RYR3: variants seen among roughly 807,000 people sequenced by gnomAD.
RYR3 encodes the protein ryanodine receptor 3.
RYR3 carries 207 observed loss-of-function variants against 584.3 expected under a neutral mutation model. The observed-to-expected ratio is 0.35, with a 90% CI of 0.32 to 0.40. The LOEUF (loss-of-function observed/expected upper bound fraction) is 0.40, where lower values mean the gene tolerates loss of function less well. Ranked by LOEUF, RYR3 falls within the 10% of genes least tolerant of loss-of-function variation. The probability of loss-of-function intolerance (pLI) is 1.00; values close to 1 mark genes in which losing one functional copy is unlikely to be tolerated. For missense variants in RYR3, 5,616 were observed against 6,089.2 expected, an observed-to-expected ratio of 0.92 and a Z score of 2.59; for synonymous variants, 2,416 against 2,248.5, an observed-to-expected ratio of 1.07 and a Z score of -2.11.
At chr15:33,358,890 G>C (rs746481636) in intron 1 of RYR3, among the ~76,000 whole-genome samples, 2 of 152,174 alleles carry the variant, frequency 1.3e-5, no homozygotes, top group Non-Finnish European at 2.9e-5. Flanking sequence ...TAGGTGCTAG[G>C]CACTATTCTA....
At chr15:33,607,336 A>G (rs1047603983) in intron 18 of RYR3, among the ~76,000 whole-genome samples, 1 of 152,120 alleles carries the variant, frequency 6.6e-6, no homozygotes, top group African/African-American at 2.4e-5. Context: ...AAAAAAAATC[A>G]TATTATCGGG....
At chr15:33,806,044 T>TA (rs1423883942) in intron 69 of RYR3, among the ~76,000 whole-genome samples, 1 of 152,066 alleles carries the variant, frequency 6.6e-6, no homozygotes, top group Admixed American at 6.6e-5. Flanking sequence ...CAGACCGACT[T>TA]ACAGAAAGTC....
rs1360231962 is a variant in RYR3 at position 33,794,130 on chromosome 15, T to A, written c.9830+5672T>A. Among the ~76,000 whole-genome samples the A allele has an allele frequency of 7.7e-5, 7 of 91,080 alleles. No homozygotes were observed. In the South Asian group the frequency reaches 2.2e-3, roughly 29 times the overall value. The allele number at this position is 91,080 out of a possible 152,430, so 59.8% of individuals were successfully genotyped here. A position where few individuals can be genotyped will look rare whatever the true frequency, so the allele number is the denominator to read the frequency against. ...AATATAATATACATAAATATATATT[T>A]ATATATAATATACATAAATATATAA... On this transcript the variant is annotated intron_variant, in intron 67 of 103. Coordinates refer to ENST00000634891, the MANE Select transcript of RYR3 (RefSeq NM_001036.6).
intron 3 of RYR3, among the ~76,000 whole-genome samples, chr15:33,523,185 G>A (rs191682959): frequency 3.9e-5 from 6 of 152,280 alleles, no homozygotes; most frequent in Admixed American, 3.9e-4. Flanking sequence ...TCAGCACTCT[G>A]TAAAATGGAC....
At chr15:33,763,902 A>C (rs1315652637) in intron 60 of RYR3, among the ~76,000 whole-genome samples, 14 of 132,730 alleles carry the variant, frequency 1.1e-4, no homozygotes, top group African/African-American at 4.3e-4. Context: ...CAAAAAAAAA[A>C]AAAAAAAAAA....
chr15:33,623,366 T>A (rs2060822430), intron 19 of RYR3, among the ~76,000 whole-genome samples: 1 of 152,274 alleles, frequency 6.6e-6, no homozygotes, highest in Non-Finnish European at 1.5e-5. Context: ...CTCCATATAG[T>A]TACGTCATGC....
At chr15:33,650,435 G>A (rs1420412731) in intron 31 of RYR3, among the ~76,000 whole-genome samples, 1 of 152,134 alleles carries the variant, frequency 6.6e-6, no homozygotes, top group Non-Finnish European at 1.5e-5. Flanking sequence ...TGGGTTCTTA[G>A]GGGTATGACA....
chr15:33,482,639 G>A (rs144468927), intron 2 of RYR3, among the ~76,000 whole-genome samples: 1 of 152,208 alleles, frequency 6.6e-6, no homozygotes, highest in African/African-American at 2.4e-5. Flanking sequence ...GGCTGGTCTC[G>A]AACTCCTGAC....
chr15:33,311,657 G>A lies in RYR3; in HGVS notation c.51+561G>A, dbSNP rs1967317421. On this transcript the variant is annotated intron_variant, in intron 1 of 103. Coordinates refer to ENST00000634891, the MANE Select transcript of RYR3 (RefSeq NM_001036.6). The surrounding 1 kb of genome is among the most constrained non-coding windows in gnomAD (Gnocchi z 4.4). Reference sequence around the variant, plus strand: ...CTCGGAGGGGAATTCACCCAGCGCTGCCCCTCTCGTGTTAAGCCCCACGCC... The same window carrying A: ...CTCGGAGGGGAATTCACCCAGCGCTACCCCTCTCGTGTTAAGCCCCACGCC... 6.6e-6 allele frequency among the ~76,000 whole-genome samples: 1 copy of A among 152,228 alleles called. No individual in the cohort carries two copies. Among genetic ancestry groups the A allele is most frequent in the Admixed American group, 6.5e-5 (1 of 15,288 alleles).
At chr15:33,404,136 T>C (rs920261427) in intron 1 of RYR3, among the ~76,000 whole-genome samples, 2 of 152,236 alleles carry the variant, frequency 1.3e-5, no homozygotes, top group African/African-American at 2.4e-5. Flanking sequence ...GAGTGGTGCC[T>C]TTTATTAGTA....
intron 43 of RYR3, 189 bp from the exon 44 acceptor site, chr15:33,722,526 T>C (rs1482819538): frequency 1.6e-6 from 1 of 608,462 alleles, no homozygotes; most frequent in Non-Finnish European, 2.9e-6. Context: ...GGTTTATAAC[T>C]AACTGACCAC....
chr15:33,325,436 C>T (rs1348105506), intron 1 of RYR3, among the ~76,000 whole-genome samples: 2 of 152,172 alleles, frequency 1.3e-5, no homozygotes, highest in Non-Finnish European at 2.9e-5. Flanking sequence ...TTTTGTTTGG[C>T]TTTGAAATGT....
chr15:33,424,473 T>C (rs1286105545), intron 1 of RYR3, among the ~76,000 whole-genome samples: 1 of 152,220 alleles, frequency 6.6e-6, no homozygotes, highest in African/African-American at 2.4e-5. Context: ...TTTGGTACTT[T>C]GTAAGAGGCC....
intron 1 of RYR3, among the ~76,000 whole-genome samples, chr15:33,379,666 C>CCTCTCTCTCTCTCTCTCTCTCTCTCTCT (rs72425368): frequency 3.1e-5 from 4 of 129,360 alleles, no homozygotes; most frequent in African/African-American, 1.0e-4. Flanking sequence ...TGTGTGTGTC[C>CCTCTCTCTCTCTCTCTCTCTCTCTCTCT]CTCTCTCTCT....
Position 33,398,425 on chromosome 15 carries a change from C to T in RYR3, c.52-74994C>T, listed in dbSNP as rs553439139. On this transcript the variant is annotated intron_variant, in intron 1 of 103. Coordinates refer to ENST00000634891, the MANE Select transcript of RYR3 (RefSeq NM_001036.6). Reference sequence around the variant, plus strand: ...CTGAGTGGGGAAAGTGAATGGTGTTCGGCAACTTCACAGTCAGAAATAGGA... The same window carrying T: ...CTGAGTGGGGAAAGTGAATGGTGTTTGGCAACTTCACAGTCAGAAATAGGA... Among the ~76,000 whole-genome samples the T allele has an allele frequency of 2.0e-5, 3 of 152,182 alleles. No homozygotes were observed. The East Asian group carries it at 5.8e-4, about 29-fold the overall frequency.
At chr15:33,410,086 C>T (rs2043297904) in intron 1 of RYR3, among the ~76,000 whole-genome samples, 1 of 152,106 alleles carries the variant, frequency 6.6e-6, no homozygotes, top group Non-Finnish European at 1.5e-5. Context: ...AACCATATAT[C>T]CCACTGTGTA....
At chr15:33,355,099 G>A (rs1201117454) in intron 1 of RYR3, among the ~76,000 whole-genome samples, 3 of 150,670 alleles carry the variant, frequency 2.0e-5, no homozygotes, top group Non-Finnish European at 2.9e-5. Context: ...CAGGAGAATC[G>A]CTTGAACCTG....
intron 38 of RYR3, among the ~76,000 whole-genome samples, chr15:33,692,431 C>T (rs1055558954): frequency 6.6e-6 from 1 of 151,984 alleles, no homozygotes; most frequent in Non-Finnish European, 1.5e-5. Flanking sequence ...CCCTTCTGCC[C>T]CTCTCCCCCT....
chr15:33,536,020 C>T lies in RYR3; in HGVS notation c.433+2631C>T, dbSNP rs150249701. Among the ~76,000 whole-genome samples the T allele has an allele frequency of 1.4e-3, 210 of 152,246 alleles. 1 individual carries two copies. Among genetic ancestry groups the T allele is most frequent in the African/African-American group, 4.2e-3 (174 of 41,530 alleles). On this transcript the variant is annotated intron_variant, in intron 5 of 103. Coordinates refer to ENST00000634891, the MANE Select transcript of RYR3 (RefSeq NM_001036.6). Reference sequence around the variant, plus strand: ...ATTCTCCTTGAAGAAAGCTAGCTGGCGTTTGTGAGGGACAAGGAGGATGCA... The same window carrying T: ...ATTCTCCTTGAAGAAAGCTAGCTGGTGTTTGTGAGGGACAAGGAGGATGCA...
Sources: gnomAD v4.1 joint callset for allele counts (sites outside exome capture counted in the v4.1 genomes callset) on GRCh38, gnomAD v4.1.1 for gene constraint, Gnocchi (gnomAD v3.1) non-coding constraint, MANE v1.5 for transcripts, NCBI Gene and HGNC (gene_info 2026-07-23, HGNC 2026-07-21) for gene names.